Variants in ATRNL1 observed in about 807,000 individuals in gnomAD.
ATRNL1 encodes attractin like 1, also known as attractin-like protein 1.
A neutral mutation model predicts 182.7 loss-of-function variants in ATRNL1; 95 were observed. The observed-to-expected ratio is 0.52, with a 90% CI of 0.44 to 0.62. The LOEUF (loss-of-function observed/expected upper bound fraction) is 0.62, where lower values mean the gene tolerates loss of function less well. Among genes scored for constraint, ATRNL1 ranks in the 20% least tolerant of loss-of-function variants. The pLI is 0.00. For synonymous variants in ATRNL1, 576 were observed against 568.3 expected, an observed-to-expected ratio of 1.01 and a Z score of -0.19; for missense variants, 1,471 against 1,679.5, an observed-to-expected ratio of 0.88 and a Z score of 2.17.
chr10:115,885,920 T>C (rs1555109667), intron 28 of ATRNL1, among the ~76,000 whole-genome samples: 1 of 152,184 alleles, frequency 6.6e-6, no homozygotes, highest in African/African-American at 2.4e-5. Context: ...TAAAAGAAGT[T>C]TTAAATGTTG....
chr10:115,669,312 T>C (rs1485640900), intron 26 of ATRNL1, among the ~76,000 whole-genome samples: 2 of 152,104 alleles, frequency 1.3e-5, no homozygotes, highest in African/African-American at 2.4e-5. Flanking sequence ...AAATGGGATA[T>C]AGCAGATACA....
At chr10:115,451,895 T>G (rs1358524840) in intron 21 of ATRNL1, among the ~76,000 whole-genome samples, 1 of 151,912 alleles carries the variant, frequency 6.6e-6, no homozygotes, top group South Asian at 2.1e-4. Context: ...ATAAAGAAAA[T>G]GTGGTATGCA....
chr10:115,894,497 G>GA (rs1952157892), intron 28 of ATRNL1, among the ~76,000 whole-genome samples: 1 of 151,964 alleles, frequency 6.6e-6, no homozygotes, highest in Admixed American at 6.6e-5. Flanking sequence ...CCAGACCTCT[G>GA]AAAAAAATTG....
intron 5 of ATRNL1, among the ~76,000 whole-genome samples, chr10:115,139,594 C>G (rs782191365): frequency 6.6e-6 from 1 of 152,184 alleles, no homozygotes; most frequent in Non-Finnish European, 1.5e-5. Context: ...GACCTACCCC[C>G]ATGTTTCAGT....
chr10:115,486,685 G>A (rs1055419004), intron 24 of ATRNL1, among the ~76,000 whole-genome samples: 1 of 152,066 alleles, frequency 6.6e-6, no homozygotes, highest in Non-Finnish European at 1.5e-5. Flanking sequence ...CTCCCATTCT[G>A]TAGGTTGCCT....
At chr10:115,487,715 CT>C (rs1849092282) in intron 24 of ATRNL1, among the ~76,000 whole-genome samples, 4 of 152,078 alleles carry the variant, frequency 2.6e-5, no homozygotes, top group Admixed American at 2.6e-4. Flanking sequence ...TTTGAATACC[CT>C]TTATTTCTTT....
chr10:115,536,553 C>T (rs1272573840), intron 25 of ATRNL1, among the ~76,000 whole-genome samples: 3 of 152,230 alleles, frequency 2.0e-5, no homozygotes, highest in African/African-American at 7.2e-5. Flanking sequence ...TTCCTGACGC[C>T]TTGTGCTTCC....
chr10:115,791,709 A>G (rs1266110574), intron 27 of ATRNL1, among the ~76,000 whole-genome samples: 1 of 151,926 alleles, frequency 6.6e-6, no homozygotes, highest in Admixed American at 6.6e-5. Context: ...AACTCTGTCT[A>G]TTTCACCCCC....
intron 8 of ATRNL1, among the ~76,000 whole-genome samples, chr10:115,174,943 A>T (rs1313840497): frequency 2.0e-5 from 3 of 151,818 alleles, no homozygotes; most frequent in Non-Finnish European, 4.4e-5. Context: ...TCCCAGGGGG[A>T]ATAGTTGTTT....
intron 18 of ATRNL1, among the ~76,000 whole-genome samples, chr10:115,330,672 C>CTTT (rs200104323): frequency 4.9e-5 from 5 of 101,412 alleles, no homozygotes; most frequent in Admixed American, 1.1e-4. Flanking sequence ...GTGTTATTTG[C>CTTT]TTTTTTTTTT....
At chr10:115,283,191 A>T (rs1554917573) in intron 14 of ATRNL1, among the ~76,000 whole-genome samples, 1 of 152,098 alleles carries the variant, frequency 6.6e-6, no homozygotes, top group East Asian at 1.9e-4. Context: ...AGGTGGGTGG[A>T]TCACTTGAGG....
At chr10:115,318,183 G>A (rs1278755307) in intron 18 of ATRNL1, among the ~76,000 whole-genome samples, 2 of 152,084 alleles carry the variant, frequency 1.3e-5, no homozygotes, top group Non-Finnish European at 1.5e-5. Flanking sequence ...CTGTTTATGC[G>A]AGGAGTTACG....
intron 26 of ATRNL1, among the ~76,000 whole-genome samples, chr10:115,562,213 C>T (rs575031415): frequency 1.3e-5 from 2 of 152,204 alleles, no homozygotes; most frequent in African/African-American, 4.8e-5. Flanking sequence ...AGTACTGATG[C>T]ATGTTATAAC....
intron 9 of ATRNL1, among the ~76,000 whole-genome samples, chr10:115,219,381 G>C (rs976179612): frequency 6.6e-6 from 1 of 152,106 alleles, no homozygotes; most frequent in African/African-American, 2.4e-5. Flanking sequence ...TTAAGTTCAG[G>C]TGACATTTTT....
intron 25 of ATRNL1, among the ~76,000 whole-genome samples, chr10:115,537,861 T>C (rs1852129375): frequency 1.3e-5 from 2 of 152,094 alleles, no homozygotes; most frequent in African/African-American, 4.8e-5. Flanking sequence ...AGTGAATACC[T>C]CATAGAGCCT....
intron 22 of ATRNL1, among the ~76,000 whole-genome samples, chr10:115,466,787 T>C (rs1848072513): frequency 1.3e-5 from 2 of 151,228 alleles, no homozygotes; most frequent in East Asian, 3.9e-4. Context: ...TATATTGTTA[T>C]AAAATTGCTT....
chr10:115,707,189 T>C (rs540656086), intron 26 of ATRNL1, among the ~76,000 whole-genome samples: 57 of 151,976 alleles, frequency 3.8e-4, no homozygotes, highest in South Asian at 2.9e-3. Flanking sequence ...ATTATTGTTC[T>C]ACTGTTTTCC....
At chr10:115,141,481 C>G (rs531853389) in intron 5 of ATRNL1, among the ~76,000 whole-genome samples, 28 of 152,132 alleles carry the variant, frequency 1.8e-4, no homozygotes, top group Admixed American at 9.2e-4. Context: ...AGAAAACTCA[C>G]TTAAACTCTG....
chr10:115,654,624 AGTAAGACACTGT>A (rs1555035281), intron 26 of ATRNL1, among the ~76,000 whole-genome samples: 1 of 152,086 alleles, frequency 6.6e-6, no homozygotes, highest in Non-Finnish European at 1.5e-5. Flanking sequence ...AATTCCTTTA[AGTAAGACACTGT>A]GTTTTATATA....
Sources: allele counts gnomAD v4.1 joint callset (sites outside exome capture counted in the v4.1 genomes callset), GRCh38; gene constraint gnomAD v4.1.1; transcripts MANE v1.5; gene names NCBI Gene and HGNC (gene_info 2026-07-23, HGNC 2026-07-21).